Variants in PTPRD observed in about 807,000 individuals in gnomAD.
PTPRD encodes the protein receptor-type tyrosine-protein phosphatase delta.
A neutral mutation model predicts 214.5 loss-of-function variants in PTPRD; 34 were observed. The observed-to-expected ratio is 0.16, with a 90% CI of 0.12 to 0.21. The LOEUF (loss-of-function observed/expected upper bound fraction) is 0.21, where lower values mean the gene tolerates loss of function less well. PTPRD is among the 10% of genes least tolerant of loss of function. The pLI, the probability that PTPRD is intolerant of heterozygous loss-of-function variation, is 1.00. For synonymous variants in PTPRD, 1,128 were observed against 845.7 expected (o/e 1.33, Z -5.79); for missense variants, 2,545 against 2,398.7 (o/e 1.06, Z -1.27).
At chr9:10,125,421 ATTTTATTATTATTAT>A (rs1185373464) in intron 3 of PTPRD, among the ~76,000 whole-genome samples, 36 of 122,192 alleles carry the variant, frequency 2.9e-4, no homozygotes, top group African/African-American at 1.0e-3. Context: ...ATTTTGTTTT[ATTTTATTATTATTAT>A]TATTATTATT....
intron 3 of PTPRD, among the ~76,000 whole-genome samples, chr9:10,177,232 GT>G (rs1194962705): frequency 2.0e-5 from 3 of 151,874 alleles, no homozygotes; most frequent in Admixed American, 2.0e-4. Flanking sequence ...GCCAGGAAAG[GT>G]GAGTAAGGAG....
intron 4 of PTPRD, among the ~76,000 whole-genome samples, chr9:9,980,005 G>C (rs1379200043): frequency 6.6e-6 from 1 of 152,040 alleles, no homozygotes; most frequent in Non-Finnish European, 1.5e-5. Flanking sequence ...TGTGAGAGGA[G>C]AATTATAAAT....
intron 21 of PTPRD, among the ~76,000 whole-genome samples, chr9:8,513,351 A>C (rs1029093184): frequency 6.6e-6 from 1 of 152,028 alleles, no homozygotes; most frequent in South Asian, 2.1e-4. Flanking sequence ...ACTTATGTCC[A>C]TCTGTGTGAC....
intron 9 of PTPRD, among the ~76,000 whole-genome samples, chr9:9,213,105 T>C (rs2099949860): frequency 6.6e-6 from 1 of 152,194 alleles, no homozygotes; most frequent in Non-Finnish European, 1.5e-5. Flanking sequence ...CAAAATAGGC[T>C]CTTATGTGAA....
chr9:10,225,562 A>T (rs1455706991), intron 3 of PTPRD, among the ~76,000 whole-genome samples: 1 of 152,052 alleles, frequency 6.6e-6, no homozygotes, highest in African/African-American at 2.4e-5. Flanking sequence ...CATGAACAGA[A>T]GCTGCTGTGG....
At chr9:9,693,128 T>G (rs567102591) in intron 7 of PTPRD, among the ~76,000 whole-genome samples, 1 of 152,176 alleles carries the variant, frequency 6.6e-6, no homozygotes, top group East Asian at 1.9e-4. Flanking sequence ...TCTTGTCTGT[T>G]TGGTCTAGCT....
chr9:8,734,256 A>C (rs574370944), intron 11 of PTPRD, among the ~76,000 whole-genome samples: 9 of 152,314 alleles, frequency 5.9e-5, no homozygotes, highest in African/African-American at 2.2e-4. Flanking sequence ...CAAAGACCTA[A>C]AAAAGGAACT....
At chr9:9,881,833 A>T (rs1345906175) in intron 5 of PTPRD, among the ~76,000 whole-genome samples, 2 of 152,160 alleles carry the variant, frequency 1.3e-5, no homozygotes, top group Non-Finnish European at 2.9e-5. Flanking sequence ...ATATGCCAGA[A>T]TGACTAGGTT....
rs142252024 is a variant in PTPRD, at chr9:9,929,684, G to A, written c.-368+8823C>T. On this transcript the variant is annotated intron_variant, in intron 5 of 45. Coordinates refer to ENST00000381196, the MANE Select transcript of PTPRD (RefSeq NM_002839.4). ...TGAGATTACAGGCTCAAGCCACAGC[G>A]CCTGGCCAAGAAAACACTTTTAAAG... Among the ~76,000 whole-genome samples, 51 of 152,254 alleles carry A rather than the reference G, an allele frequency of 3.3e-4. 1 individual carries two copies. The Middle Eastern group carries it at 0.01, about 31-fold the overall frequency.
At chr9:8,376,201 A>G in intron 38 of PTPRD, 111 bp from the exon 39 acceptor site, 3 of 1,244,120 alleles carry the variant, frequency 2.4e-6, no homozygotes, top group Non-Finnish European at 3.3e-6. Context: ...CCTTTCTACC[A>G]CCCTGTAGCC....
At chr9:8,567,190 G>C (rs2089571795) in intron 14 of PTPRD, among the ~76,000 whole-genome samples, 1 of 152,140 alleles carries the variant, frequency 6.6e-6, no homozygotes, top group African/African-American at 2.4e-5. Flanking sequence ...ATGCAGATGG[G>C]TTCCATGATG....
At chr9:8,807,712 G>A (rs545457498) in intron 11 of PTPRD, among the ~76,000 whole-genome samples, 10 of 151,480 alleles carry the variant, frequency 6.6e-5, no homozygotes, top group South Asian at 4.2e-4. Flanking sequence ...AACACAAAAC[G>A]TCTTTCATGG....
intron 12 of PTPRD, among the ~76,000 whole-genome samples, chr9:8,691,930 T>G (rs1237383812): frequency 6.6e-6 from 1 of 152,128 alleles, no homozygotes; most frequent in Non-Finnish European, 1.5e-5. Flanking sequence ...ATCATGTTGG[T>G]TTTTCCTTCA....
rs146361275 is a variant in PTPRD, at chr9:9,150,313, A to G, written c.-143+32991T>C. ...AATGCAGCAAATATTTACTAAGGAT[A>G]CGTGCTTTGTGCTAGCGTAGGGTTG... On this transcript the variant is annotated intron_variant, in intron 10 of 45. Transcript: ENST00000381196. Among the ~76,000 whole-genome samples the G allele has an allele frequency of 1.2e-3, 185 of 152,036 alleles. 2 individuals carry two copies. The East Asian group carries it at 0.034, about 28-fold the overall frequency.
intron 11 of PTPRD, among the ~76,000 whole-genome samples, chr9:8,751,120 C>T (rs904649118): frequency 3.3e-5 from 5 of 152,158 alleles, no homozygotes; most frequent in Admixed American, 1.3e-4. Context: ...AATAATGTGT[C>T]GCTTTTTAAT....
chr9:9,883,122 T>A (rs2069390313), intron 5 of PTPRD, among the ~76,000 whole-genome samples: 1 of 152,174 alleles, frequency 6.6e-6, no homozygotes, highest in Non-Finnish European at 1.5e-5. Context: ...GTCTTAGGTA[T>A]TCCTTTACAG....
At position 10,332,226 on chromosome 9, in the gene PTPRD, G is replaced by A. The variant is rs535590800; in HGVS notation, c.-545+8737C>T. 9.2e-5 allele frequency among the ~76,000 whole-genome samples: 14 copies of A among 151,934 alleles called. 1 individual carries two copies. Among genetic ancestry groups the A allele is most frequent in the African/African-American group, 3.1e-4 (13 of 41,512 alleles). The stretch of plus-strand genomic sequence containing the variant: ...AGGAGAAAGAAACTATAATATTGCA[G>A]AAGTTAATATACCATAAATACCATG... On this transcript the variant is annotated intron_variant, in intron 3 of 45. Transcript: ENST00000381196.
At chr9:8,598,604 GTCTT>G (rs1399536208) in intron 14 of PTPRD, among the ~76,000 whole-genome samples, 10 of 152,162 alleles carry the variant, frequency 6.6e-5, no homozygotes, top group East Asian at 1.9e-4. Flanking sequence ...TAGGAAAATG[GTCTT>G]TCTATCAGAT....
chr9:8,383,010 G>T (rs773841440), intron 37 of PTPRD, among the ~76,000 whole-genome samples: 3 of 152,150 alleles, frequency 2.0e-5, no homozygotes, highest in Non-Finnish European at 4.4e-5. Flanking sequence ...TCTGCCACTG[G>T]CCAAGGCTGG....
Sources: allele counts gnomAD v4.1 joint callset (sites outside exome capture counted in the v4.1 genomes callset), GRCh38; gene constraint gnomAD v4.1.1; transcripts MANE v1.5; gene names NCBI Gene and HGNC (gene_info 2026-07-23, HGNC 2026-07-21).